Variants in ARHGAP17 observed in about 807,000 individuals in gnomAD.
ARHGAP17 encodes Rho GTPase activating protein 17.
Under a neutral mutation model 99.5 loss-of-function variants are expected in ARHGAP17, and 57 were observed. That is an observed-to-expected ratio of 0.57 (90% confidence interval 0.46 to 0.71). The LOEUF is 0.71. ARHGAP17 is among the 30% of genes least tolerant of loss of function. The probability of loss-of-function intolerance (pLI) is 0.00; values close to 1 mark genes in which losing one functional copy is unlikely to be tolerated. For synonymous variants in ARHGAP17, 417 were observed against 429.6 expected (o/e 0.97, Z 0.36); for missense variants, 1,000 against 1,122.4 (o/e 0.89, Z 1.56).
chr16:24,939,478 G>A lies in ARHGAP17; in HGVS notation c.1610C>T (p.Pro537Leu). The change falls in exon 17 of 20, where the codon CCC becomes CTC. Residue 537 changes from proline (P) to leucine (L), a missense_variant. By Grantham distance (98) the Pro-to-Leu change is moderately conservative. This residue lies in a region of ARHGAP17 where 528 missense variants were observed against 511.4 expected (regional missense o/e 1.03). Transcript: ENST00000289968. ...CTGGGGAGGGGGCTCTGGGCCAGCG[G>A]GCACCACGGTGCTGCCATCTGTGGG... is the stretch of plus-strand genomic sequence containing the variant. ...LPPTDGSTVV[P>L]AGPEPPPQSS... The A allele has an allele frequency of 1.2e-6, 2 of 1,611,286 alleles. No homozygotes were observed. Among genetic ancestry groups the A allele is most frequent in the Non-Finnish European group, 1.7e-6 (2 of 1,179,212 alleles).
At position 24,964,175 on chromosome 16, in the gene ARHGAP17, A is replaced by T. The variant is rs188302780; in HGVS notation, c.573+22T>A. ...TCATTTGCAAAAACCGAAAAGATAC[A>T]TTTATCAAGGAATTCTCATACCTTG... On this transcript the variant is annotated intron_variant, in intron 7 of 19. Transcript: ENST00000289968. 5.5e-5 allele frequency: 82 copies of T among 1,493,752 alleles called. No individual in the cohort carries two copies. The Admixed American group carries it at 8.0e-4, about 15-fold the overall frequency. The allele number at this position is 1,493,752 out of a possible 1,614,324, so 92.5% of individuals were successfully genotyped here.
chr16:24,980,831 T>C (rs895533666), intron 1 of ARHGAP17, among the ~76,000 whole-genome samples: 1 of 152,122 alleles, frequency 6.6e-6, no homozygotes, highest in Non-Finnish European at 1.5e-5. Flanking sequence ...CCCCCAAATC[T>C]GGACAGGGCC....
rs142318919 is a variant in ARHGAP17, at chr16:24,967,144, A to G, written c.461+1207T>C. ...TGTGGCAAGAGGTAAGTTACTTGAT[A>G]ATTGCACTAGCAGAGTCTTCACCAT... On this transcript the variant is annotated intron_variant, in intron 6 of 19. Transcript: ENST00000289968. 5.5e-4 allele frequency among the ~76,000 whole-genome samples: 84 copies of G among 152,380 alleles called. 4 individuals carry two copies. The East Asian group carries it at 0.015, about 27-fold the overall frequency.
intron 10 of ARHGAP17, 44 bp from the exon 11 acceptor site, chr16:24,953,086 C>G (rs759109118): frequency 1.1e-5 from 17 of 1,573,272 alleles, no homozygotes; most frequent in Non-Finnish European, 1.5e-5. Context: ...CAGGTTGGGA[C>G]ACTCAGACTA....
chr16:24,981,054 T>C (rs549788164), intron 1 of ARHGAP17, among the ~76,000 whole-genome samples: 2 of 152,358 alleles, frequency 1.3e-5, no homozygotes, highest in South Asian at 4.1e-4. Flanking sequence ...ACAATCCCAA[T>C]GTGGGCTATA....
chr16:25,012,649 T>C (rs886294570), intron 1 of ARHGAP17, among the ~76,000 whole-genome samples: 1 of 152,156 alleles, frequency 6.6e-6, no homozygotes, highest in African/African-American at 2.4e-5. Flanking sequence ...CCTTAGTCCT[T>C]TCTGATTACT....
At chr16:24,958,271 C>G (rs780113543) in intron 9 of ARHGAP17, among the ~76,000 whole-genome samples, 1 of 152,006 alleles carries the variant, frequency 6.6e-6, no homozygotes, top group Non-Finnish European at 1.5e-5. Context: ...GAAAAAAAAT[C>G]CAATCTCTCG....
intron 18 of ARHGAP17, among the ~76,000 whole-genome samples, chr16:24,934,880 G>A (rs2051092445): frequency 6.6e-6 from 1 of 152,206 alleles, no homozygotes; most frequent in Non-Finnish European, 1.5e-5. Flanking sequence ...ACCAAGAGTG[G>A]AGTGTGTTGA....
At chr16:24,969,849 CTG>C (rs1268589929) in intron 4 of ARHGAP17, among the ~76,000 whole-genome samples, 2 of 152,112 alleles carry the variant, frequency 1.3e-5, no homozygotes, top group Admixed American at 1.3e-4. Flanking sequence ...AGCGAGATAA[CTG>C]TAGACGCTGA....
At chr16:24,932,353 T>G (rs1022990030) in intron 18 of ARHGAP17, among the ~76,000 whole-genome samples, 1 of 152,192 alleles carries the variant, frequency 6.6e-6, no homozygotes, top group Non-Finnish European at 1.5e-5. Flanking sequence ...GCCTATCGTT[T>G]TGAAAGTTCA....
chr16:24,936,850 G>A (rs2051153693), intron 17 of ARHGAP17: 1 of 152,194 alleles, frequency 6.6e-6, no homozygotes, highest in Non-Finnish European at 1.5e-5. Context: ...TGGGCATGGT[G>A]GCTCATGCCT....
chr16:24,967,467 A>C (rs1186368724), intron 6 of ARHGAP17, among the ~76,000 whole-genome samples: 1 of 152,212 alleles, frequency 6.6e-6, no homozygotes, highest in Non-Finnish European at 1.5e-5. Flanking sequence ...CTGTTTCCCT[A>C]TTCCCAACTG....
At chr16:24,950,223 C>A (rs914596145) in intron 12 of ARHGAP17, among the ~76,000 whole-genome samples, 1 of 152,146 alleles carries the variant, frequency 6.6e-6, no homozygotes, top group Non-Finnish European at 1.5e-5. Context: ...GATGGAAGCC[C>A]ACCCATATTG....
intron 17 of ARHGAP17, chr16:24,936,117 T>A (rs1389746725): frequency 2.0e-5 from 5 of 250,140 alleles, no homozygotes; most frequent in South Asian, 4.9e-5. Flanking sequence ...GGCTTTTACA[T>A]GTTGACATAT....
At chr16:24,991,304 G>C (rs757365307) in intron 1 of ARHGAP17, among the ~76,000 whole-genome samples, 1 of 152,158 alleles carries the variant, frequency 6.6e-6, no homozygotes, top group African/African-American at 2.4e-5. Flanking sequence ...TTCATTTAAC[G>C]TGTTTCGTGG....
chr16:24,944,359 C>T (rs1294309805), intron 14 of ARHGAP17, among the ~76,000 whole-genome samples: 2 of 151,916 alleles, frequency 1.3e-5, no homozygotes, highest in Non-Finnish European at 2.9e-5. Context: ...GGCTTGGCTG[C>T]TCCTTAGTGT....
intron 19 of ARHGAP17, among the ~76,000 whole-genome samples, chr16:24,928,845 C>T (rs1002587393): frequency 3.9e-5 from 6 of 152,128 alleles, no homozygotes; most frequent in African/African-American, 9.7e-5. Flanking sequence ...TAAAGCAAAA[C>T]GTAAGCATGC....
At chr16:24,971,223 C>G (rs929726319) in intron 3 of ARHGAP17, among the ~76,000 whole-genome samples, 1 of 151,912 alleles carries the variant, frequency 6.6e-6, no homozygotes, top group Admixed American at 6.6e-5. Context: ...GCACTGGGGA[C>G]ATGACAGAGA....
At chr16:24,949,309 T>G in intron 13 of ARHGAP17, 95 bp downstream of exon 13, 2 of 961,046 alleles carry the variant, frequency 2.1e-6, no homozygotes, top group South Asian at 3.4e-5. Flanking sequence ...TGTTGTTGTT[T>G]TTTAATGTGC....
Sources: gnomAD v4.1 joint callset for allele counts (sites outside exome capture counted in the v4.1 genomes callset) on GRCh38, gnomAD v4.1.1 for gene constraint, gnomAD v4.1.1 regional missense constraint, MANE v1.5 for transcripts, NCBI Gene and HGNC (gene_info 2026-07-23, HGNC 2026-07-21) for gene names.